Variants in CBFB observed in about 807,000 individuals in gnomAD.
The protein encoded by CBFB is CBF-beta.
Under a neutral mutation model 30.4 loss-of-function variants are expected in CBFB, and 9 were observed. The ratio of observed to expected loss-of-function variants is 0.30; its 90% CI spans 0.18 to 0.52. The LOEUF is 0.52. CBFB is among the 20% of genes least tolerant of loss of function. The pLI, the probability that CBFB is intolerant of heterozygous loss-of-function variation, is 0.97. For missense variants in CBFB, 170 were observed against 244.0 expected (o/e 0.70, Z 2.02); for synonymous variants, 94 against 84.0 (o/e 1.12, Z -0.65).
At chr16:67,094,639 C>G (rs1961987721) in intron 5 of CBFB, among the ~76,000 whole-genome samples, 1 of 152,250 alleles carries the variant, frequency 6.6e-6, no homozygotes, top group Non-Finnish European at 1.5e-5. Flanking sequence ...TTATTTTTCT[C>G]AGTGTTTCTT....
At chr16:67,029,999 T>C in intron 2 of CBFB, 186 bp downstream of exon 2, 1 of 465,922 alleles carries the variant, frequency 2.1e-6, no homozygotes, top group Non-Finnish European at 3.7e-6. Context: ...GGGAGACGCT[T>C]TTCCTGGGGC....
chr16:67,072,638 G>A, intron 4 of CBFB, among the ~76,000 whole-genome samples: 1 of 151,012 alleles, frequency 6.6e-6, no homozygotes, highest in East Asian at 1.9e-4. Flanking sequence ...GGCTAATTTT[G>A]TATTTTTAGT....
rs947422563 is a variant in CBFB, at chr16:67,082,254, G to A, written c.441G>A (p.Arg147=). 1 of 1,611,626 alleles carries A rather than the reference G, an allele frequency of 6.2e-7. No homozygotes were observed. Among genetic ancestry groups the A allele is most frequent in the East Asian group, 2.2e-5 (1 of 44,868 alleles). Residue 147 remains arginine, a synonymous_variant, in exon 5 of 6, where the codon CGG becomes CGA. Coordinates refer to ENST00000412916, the MANE Select transcript of CBFB (RefSeq NM_022845.3). Reference sequence around the variant, plus strand: ...CACAACAGGCCTTTGAAGAGGCTCGGAGAAGGACACGCGAATTTGAAGATA... The same window carrying A: ...CACAACAGGCCTTTGAAGAGGCTCGAAGAAGGACACGCGAATTTGAAGATA... ...ALAQQAFEEA[R]RRTREFEDRD...
At chr16:67,052,172 G>T (rs1231237924) in intron 3 of CBFB, among the ~76,000 whole-genome samples, 1 of 152,156 alleles carries the variant, frequency 6.6e-6, no homozygotes, top group Non-Finnish European at 1.5e-5. Flanking sequence ...GAGCCACTGT[G>T]CCTGACCCAA....
At chr16:67,041,090 G>A (rs564596939) in intron 3 of CBFB, among the ~76,000 whole-genome samples, 1 of 152,252 alleles carries the variant, frequency 6.6e-6, no homozygotes, top group South Asian at 2.1e-4. Flanking sequence ...AGTGAGATGG[G>A]GAATAGTTTT....
chr16:67,052,685 G>C (rs1388263891), intron 3 of CBFB, among the ~76,000 whole-genome samples: 3 of 152,068 alleles, frequency 2.0e-5, no homozygotes, highest in Admixed American at 1.3e-4. Flanking sequence ...CAGTTGGCCA[G>C]GTATGGTGGC....
rs569423892 is a variant in CBFB at position 67,050,481 on chromosome 16, TAAC to T, written c.282+13730_282+13732del. On this transcript the variant is annotated intron_variant, in intron 3 of 5. Transcript: ENST00000412916. The stretch of plus-strand genomic sequence containing the variant: ...TTATAAATTAGGCACAGTAAGAGAT[TAAC>T]AACCTTAACTAATAATAAAGTAGAA... 4.0e-4 allele frequency among the ~76,000 whole-genome samples: 61 copies of T among 152,020 alleles called. No homozygotes were observed. In the East Asian group the frequency reaches 0.01, roughly 25 times the overall value.
chr16:67,064,907 T>C (rs996014001), intron 3 of CBFB, among the ~76,000 whole-genome samples: 3 of 152,162 alleles, frequency 2.0e-5, no homozygotes, highest in African/African-American at 4.8e-5. Flanking sequence ...TCTCTCTCTT[T>C]TTTTTGTTTG....
intron 5 of CBFB, among the ~76,000 whole-genome samples, chr16:67,089,212 G>T (rs1322544081): frequency 6.6e-6 from 1 of 152,062 alleles, no homozygotes; most frequent in Non-Finnish European, 1.5e-5. Flanking sequence ...TCTTGTCATT[G>T]ATATACATTA....
At chr16:67,084,764 CGTGT>C (rs140621189) in intron 5 of CBFB, among the ~76,000 whole-genome samples, 1 of 150,734 alleles carries the variant, frequency 6.6e-6, no homozygotes, top group Non-Finnish European at 1.5e-5. Flanking sequence ...TGTGTGCATA[CGTGT>C]GTGTGTGTGT....
intron 3 of CBFB, among the ~76,000 whole-genome samples, chr16:67,055,311 C>T (rs1440830151): frequency 4.7e-5 from 7 of 149,912 alleles, no homozygotes; most frequent in South Asian, 4.2e-4. Flanking sequence ...TATGTGTATA[C>T]GCACACACAC....
chr16:67,064,999 G>A (rs150456450), intron 3 of CBFB, among the ~76,000 whole-genome samples: 4,604 of 152,234 alleles, frequency 0.03, 79 homozygotes, highest in Admixed American at 0.034. Flanking sequence ...CCGAGTTCAA[G>A]TGATTCTCTT....
chr16:67,040,860 G>A, intron 3 of CBFB, among the ~76,000 whole-genome samples: 1 of 152,170 alleles, frequency 6.6e-6, no homozygotes, highest in Non-Finnish European at 1.5e-5. Context: ...GGAATGATGA[G>A]CCCTGCAGGG....
chr16:67,092,751 T>G (rs1386855292), intron 5 of CBFB, among the ~76,000 whole-genome samples: 3 of 122,250 alleles, frequency 2.5e-5, no homozygotes, highest in African/African-American at 9.1e-5. Flanking sequence ...TTCACTCTGC[T>G]GCCCAGGCTG....
At chr16:67,052,933 A>G (rs1253833945) in intron 3 of CBFB, among the ~76,000 whole-genome samples, 1 of 151,458 alleles carries the variant, frequency 6.6e-6, no homozygotes, top group Non-Finnish European at 1.5e-5. Context: ...ACAGAGCAAG[A>G]TGCTATCTCA....
At position 67,029,428 on chromosome 16, in the gene CBFB, C is replaced by G. The variant is rs1172602310; in HGVS notation, c.21C>G (p.Asp7Glu). 6.3e-7 allele frequency: 1 copy of G among 1,583,628 alleles called. No individual in the cohort carries two copies. The highest frequency in any genetic ancestry group is 8.6e-7 in the Non-Finnish European group (1 of 1,166,950). The stretch of plus-strand genomic sequence containing the variant: ...GGAAGATGCCGCGCGTCGTGCCCGA[C>G]CAGAGAAGCAAGTTCGAGAACGAGG... MPRVVP[D>E]QRSKFENEEF... Residue 7 changes from aspartate (D) to glutamate (E), a missense_variant, in exon 1 of 6, where the codon GAC becomes GAG. Coordinates refer to ENST00000412916, the MANE Select transcript of CBFB (RefSeq NM_022845.3).
At chr16:67,070,674 A>G (rs1299190706) in intron 4 of CBFB, among the ~76,000 whole-genome samples, 1 of 150,466 alleles carries the variant, frequency 6.6e-6, no homozygotes, top group African/African-American at 2.5e-5. Flanking sequence ...ATGTGGCAAA[A>G]CCCTGTCTCT....
At chr16:67,071,268 C>T (rs1382662595) in intron 4 of CBFB, among the ~76,000 whole-genome samples, 1 of 152,094 alleles carries the variant, frequency 6.6e-6, no homozygotes, top group Admixed American at 6.6e-5. Context: ...GTTTGTTTAC[C>T]CCATCCCCAA....
rs1335643821 is a variant in CBFB, at chr16:67,036,679, T to C, written c.206T>C (p.Phe69Ser). 3.1e-6 allele frequency: 5 copies of C among 1,614,076 alleles called. No individual in the cohort carries two copies. The East Asian group carries it at 1.1e-4, about 36-fold the overall frequency. Residue 69 changes from phenylalanine to serine, a missense_variant, in exon 3 of 6, where the codon TTT (phenylalanine) becomes TCT (serine). Physicochemically the swap from Phe to Ser is radical, Grantham distance 155 (BLOSUM62 -2). Coordinates refer to ENST00000412916, the MANE Select transcript of CBFB (RefSeq NM_022845.3). Reference protein sequence around the residue: ...ATGTNLSLQFFPASWQGEQRQ... With the variant: ...ATGTNLSLQFSPASWQGEQRQ... ...GGAACCAATCTGTCTCTCCAGTTTT[T>C]TCCGGCCAGCTGGCAGGGAGAACAG... is the stretch of plus-strand genomic sequence containing the variant.
Sources: allele counts gnomAD v4.1 joint callset (sites outside exome capture counted in the v4.1 genomes callset), GRCh38; gene constraint gnomAD v4.1.1; transcripts MANE v1.5; gene names NCBI Gene and HGNC (gene_info 2026-07-23, HGNC 2026-07-21).